ALK: variants seen among roughly 807,000 people sequenced by gnomAD.
ALK encodes the protein ALK receptor tyrosine kinase.
Under a neutral mutation model 163.1 loss-of-function variants are expected in ALK, and 74 were observed. The ratio of observed to expected loss-of-function variants is 0.45; its 90% CI spans 0.38 to 0.55. ALK has a LOEUF of 0.55. Ranked by LOEUF, ALK falls within the 20% of genes least tolerant of loss-of-function variation. The pLI is 0.00. For missense variants in ALK, 2,063 were observed against 2,105.3 expected (o/e 0.98, Z 0.39); for synonymous variants, 960 against 843.2 (o/e 1.14, Z -2.40).
intron 1 of ALK, among the ~76,000 whole-genome samples, chr2:29,888,009 C>T (rs537161348): frequency 8.4e-4 from 128 of 152,332 alleles, no homozygotes; most frequent in African/African-American, 2.1e-3. Flanking sequence ...GGTACCTTTT[C>T]TCTACCATCC....
intron 3 of ALK, among the ~76,000 whole-genome samples, chr2:29,617,846 A>G (rs531943649): frequency 5.1e-4 from 78 of 152,322 alleles, no homozygotes; most frequent in African/African-American, 1.8e-3. Flanking sequence ...GACTATTGCC[A>G]TCATCTTTCC....
chr2:29,888,162 A>G (rs1667032807), intron 1 of ALK, among the ~76,000 whole-genome samples: 1 of 152,000 alleles, frequency 6.6e-6, no homozygotes, highest in South Asian at 2.1e-4. Flanking sequence ...TTCTGGCAAT[A>G]TAAGTCAATT....
chr2:29,822,232 A>G (rs1441271131), intron 1 of ALK, among the ~76,000 whole-genome samples: 1 of 152,162 alleles, frequency 6.6e-6, no homozygotes, highest in East Asian at 1.9e-4. Flanking sequence ...CTATCTAACG[A>G]GGAGATCTGA....
At chr2:29,279,184 G>T (rs768197100) in intron 9 of ALK, among the ~76,000 whole-genome samples, 1 of 152,218 alleles carries the variant, frequency 6.6e-6, no homozygotes, top group East Asian at 1.9e-4. Flanking sequence ...TTTCTAAAGT[G>T]CTCTGCGCGG....
At chr2:29,771,530 T>C (rs1681023028) in intron 1 of ALK, among the ~76,000 whole-genome samples, 1 of 152,056 alleles carries the variant, frequency 6.6e-6, no homozygotes, top group African/African-American at 2.4e-5. Context: ...CCTGGAATTC[T>C]TCTCTTTTTT....
intron 8 of ALK, among the ~76,000 whole-genome samples, chr2:29,314,198 T>G (rs1666767650): frequency 6.6e-6 from 1 of 152,128 alleles, no homozygotes; most frequent in South Asian, 2.1e-4. Flanking sequence ...TGCCTTCCTT[T>G]GAGAAGGGCT....
intron 4 of ALK, among the ~76,000 whole-genome samples, chr2:29,507,468 G>C (rs866247716): frequency 6.6e-6 from 1 of 152,158 alleles, no homozygotes; most frequent in Non-Finnish European, 1.5e-5. Context: ...TAGTTGCAAA[G>C]CAATGTGAAT....
At chr2:29,869,128 C>A (rs2148411244) in intron 1 of ALK, among the ~76,000 whole-genome samples, 1 of 152,306 alleles carries the variant, frequency 6.6e-6, no homozygotes, top group East Asian at 1.9e-4. Context: ...GACATTTTCA[C>A]TGTACCCTTT....
chr2:29,694,357 A>G (rs1678491206), intron 3 of ALK, among the ~76,000 whole-genome samples: 1 of 152,222 alleles, frequency 6.6e-6, no homozygotes, highest in Admixed American at 6.5e-5. Flanking sequence ...TACCTTCCAA[A>G]TTAGGATTGC....
At chr2:29,809,809 G>A (rs191838004) in intron 1 of ALK, among the ~76,000 whole-genome samples, 4 of 152,332 alleles carry the variant, frequency 2.6e-5, no homozygotes, top group Non-Finnish European at 5.9e-5. Context: ...TGTCCAGCAG[G>A]TTTGTGAAGA....
At chr2:29,880,820 G>A (rs946678664) in intron 1 of ALK, among the ~76,000 whole-genome samples, 2 of 152,190 alleles carry the variant, frequency 1.3e-5, no homozygotes, top group Non-Finnish European at 2.9e-5. Context: ...CAAGATGGAG[G>A]CTGGAAGCAA....
chr2:29,860,395 A>G (rs956342929), intron 1 of ALK, among the ~76,000 whole-genome samples: 4 of 150,660 alleles, frequency 2.7e-5, no homozygotes, highest in African/African-American at 7.4e-5. Flanking sequence ...AAAGGGAGAA[A>G]AAAAAAAAAA....
intron 3 of ALK, among the ~76,000 whole-genome samples, chr2:29,585,819 A>G (rs1036813136): frequency 6.6e-6 from 1 of 151,968 alleles, no homozygotes; most frequent in African/African-American, 2.4e-5. Flanking sequence ...ATAATGTTGT[A>G]TTAAAAAATC....
intron 2 of ALK, among the ~76,000 whole-genome samples, chr2:29,708,585 C>T (rs1678981257): frequency 6.6e-6 from 1 of 152,124 alleles, no homozygotes; most frequent in South Asian, 2.1e-4. Flanking sequence ...CAAAACTCTG[C>T]TGGGCTGGAA....
At chr2:29,228,460 C>T (rs573500392) in intron 16 of ALK, among the ~76,000 whole-genome samples, 1 of 152,130 alleles carries the variant, frequency 6.6e-6, no homozygotes, top group Non-Finnish European at 1.5e-5. Context: ...GCAGGCACAG[C>T]GGCGCCTTTC....
intron 1 of ALK, among the ~76,000 whole-genome samples, chr2:29,800,730 C>T (rs977406397): frequency 1.8e-4 from 28 of 152,322 alleles, no homozygotes; most frequent in African/African-American, 5.1e-4. Context: ...GCCCTCTGGG[C>T]TCAAATCTAC....
chr2:29,524,669 C>G (rs1558366625), intron 4 of ALK, among the ~76,000 whole-genome samples: 1 of 152,106 alleles, frequency 6.6e-6, no homozygotes, highest in Non-Finnish European at 1.5e-5. Context: ...TTCATGAGAA[C>G]AAAAAGGAGG....
At chr2:29,408,095 T>TTC (rs1553312348) in intron 4 of ALK, among the ~76,000 whole-genome samples, 2 of 148,030 alleles carry the variant, frequency 1.4e-5, no homozygotes, top group Non-Finnish European at 1.5e-5. Context: ...TTCTTTTTTT[T>TTC]TTTTTGAGAT....
intron 25 of ALK, among the ~76,000 whole-genome samples, chr2:29,209,237 AC>A (rs1669397151): frequency 6.6e-6 from 1 of 152,160 alleles, no homozygotes; most frequent in Admixed American, 6.5e-5. Context: ...CCGATGGACA[AC>A]CTAATTAAGA....
Sources: gnomAD v4.1 joint callset for allele counts (sites outside exome capture counted in the v4.1 genomes callset) on GRCh38, gnomAD v4.1.1 for gene constraint, MANE v1.5 for transcripts, NCBI Gene and HGNC (gene_info 2026-07-23, HGNC 2026-07-21) for gene names.